Variants in MAPK10 observed in about 807,000 individuals in gnomAD.
MAPK10 encodes mitogen-activated protein kinase 10, also known as JNK3 alpha protein kinase.
A neutral mutation model predicts 59.3 loss-of-function variants in MAPK10; 25 were observed. The observed-to-expected ratio is 0.42, with a 90% confidence interval of 0.31 to 0.59. The LOEUF (loss-of-function observed/expected upper bound fraction) is 0.59, where lower values mean the gene tolerates loss of function less well. MAPK10 is among the 20% of genes least tolerant of loss of function. The pLI is 0.15. For synonymous variants in MAPK10, 190 were observed against 200.5 expected (o/e 0.95, Z 0.44); for missense variants, 351 against 568.9 (o/e 0.62, Z 3.90).
chr4:86,042,226 A>G (rs2041689552), intron 11 of MAPK10, among the ~76,000 whole-genome samples: 1 of 152,188 alleles, frequency 6.6e-6, no homozygotes, highest in East Asian at 1.9e-4. Flanking sequence ...CACAGGAACA[A>G]AAAACCAAAC....
At chr4:86,198,942 C>T (rs544155243) in intron 2 of MAPK10, among the ~76,000 whole-genome samples, 9 of 151,752 alleles carry the variant, frequency 5.9e-5, no homozygotes, top group East Asian at 5.8e-4. Context: ...AAGAAATATA[C>T]GAGCACTCAC....
chr4:86,295,634 T>C (rs1219136799), intron 2 of MAPK10, among the ~76,000 whole-genome samples: 1 of 151,574 alleles, frequency 6.6e-6, no homozygotes, highest in Non-Finnish European at 1.5e-5. Context: ...CTGTCTACTA[T>C]GATACAAAAG....
chr4:86,114,436 A>C (rs1056335345), intron 4 of MAPK10, among the ~76,000 whole-genome samples: 3 of 152,100 alleles, frequency 2.0e-5, no homozygotes, highest in African/African-American at 7.2e-5. Context: ...CCCAACTTCC[A>C]TAGGGCTGCT....
chr4:86,010,422 T>C lies in MAPK10; in HGVS notation c.*6806A>G, dbSNP rs893656550. 1 of 152,198 alleles carries C rather than the reference T, an allele frequency of 6.6e-6. No individual in the cohort carries two copies. Among genetic ancestry groups the C allele is most frequent in the Non-Finnish European group, 1.5e-5 (1 of 68,032 alleles). The allele number at this position is 152,198 out of a possible 1,614,324, so 9.4% of individuals were successfully genotyped here. ...TGCTTTAGTTTTTTTAAACAAAGAT[T>C]TATTAACTCTGAATTTTTTAGGTTA... On this transcript the variant is annotated 3_prime_UTR_variant, in exon 14 of 14. Transcript: ENST00000641462.
chr4:86,249,404 C>T (rs1025048992), intron 2 of MAPK10, among the ~76,000 whole-genome samples: 4 of 152,102 alleles, frequency 2.6e-5, no homozygotes, highest in African/African-American at 9.7e-5. Context: ...GCTGCTAAAA[C>T]AAGTAGGGGT....
At chr4:86,205,651 T>C (rs949668741) in intron 2 of MAPK10, among the ~76,000 whole-genome samples, 1 of 151,958 alleles carries the variant, frequency 6.6e-6, no homozygotes, top group Non-Finnish European at 1.5e-5. Flanking sequence ...TACAAGCATG[T>C]GGCAAATTGA....
chr4:86,022,420 T>G (rs1747670233), intron 13 of MAPK10, among the ~76,000 whole-genome samples: 1 of 152,220 alleles, frequency 6.6e-6, no homozygotes, highest in Admixed American at 6.5e-5. Flanking sequence ...CTCAGCTCCT[T>G]TGGCCATTTT....
At chr4:86,218,053 T>G (rs2088247457) in intron 2 of MAPK10, among the ~76,000 whole-genome samples, 1 of 152,138 alleles carries the variant, frequency 6.6e-6, no homozygotes, top group African/African-American at 2.4e-5. Context: ...AATGAATAAT[T>G]CTATAAATAT....
chr4:86,450,144 A>G (rs976456037), intron 1 of MAPK10, among the ~76,000 whole-genome samples: 1 of 152,246 alleles, frequency 6.6e-6, no homozygotes, highest in South Asian at 2.1e-4. Flanking sequence ...CTAATTTGTC[A>G]TAGCAGCAAT....
Position 86,029,239 on chromosome 4 carries a change from T to C in MAPK10, c.1210A>G (p.Lys404Glu). ...IYKEVMNSEE[K>E]TKNGVVKGQP... ...CCTTTTACTACACCATTTTTAGTCTTTTCTTCTGAATTCATTACTTCCTTG... is the reference window on the plus strand; with the variant it reads ...CCTTTTACTACACCATTTTTAGTCTCTTCTTCTGAATTCATTACTTCCTTG... The change falls in exon 13 of 14, where the codon AAG (lysine) becomes GAG (glutamate). Residue 404 changes from lysine (K) to glutamate (E), a missense_variant. This residue lies in a region of MAPK10 where 155 missense variants were observed against 204.2 expected (regional missense o/e 0.76). Coordinates refer to ENST00000641462, the MANE Select transcript of MAPK10 (RefSeq NM_138982.4). The C allele has an allele frequency of 2.5e-6, 4 of 1,611,736 alleles. No homozygotes were observed. The highest frequency in any genetic ancestry group is 3.4e-6 in the Non-Finnish European group (4 of 1,178,240).
rs184870302 is a variant in MAPK10 at position 86,203,960 on chromosome 4, G to A, written c.-6-9553C>T. 2.6e-5 allele frequency among the ~76,000 whole-genome samples: 4 copies of A among 151,930 alleles called. No homozygotes were observed. The East Asian group carries it at 7.8e-4, about 30-fold the overall frequency. ...GTGCTATCACTTAGAGCACGAGGCAGCAAGTTATGGTCCATCAGTCAAATT... is the reference window on the plus strand; with the variant it reads ...GTGCTATCACTTAGAGCACGAGGCAACAAGTTATGGTCCATCAGTCAAATT... On this transcript the variant is annotated intron_variant, in intron 2 of 13. Transcript: ENST00000641462.
chr4:86,517,616 T>C (rs1756789197), intron 1 of MAPK10, among the ~76,000 whole-genome samples: 1 of 152,084 alleles, frequency 6.6e-6, no homozygotes, highest in African/African-American at 2.4e-5. Flanking sequence ...TTAGCTAGTA[T>C]TTTGTTGAGG....
In MAPK10 at chr4:86,567,566, A is replaced by C. The variant is rs1258924090; in HGVS notation, c.-263+26344T>G. ...AGTGCATAATGTCAAAGTAGTACTTAATCTACACTATTTGGGTAATGGTAT... is the reference window on the plus strand; with the variant it reads ...AGTGCATAATGTCAAAGTAGTACTTCATCTACACTATTTGGGTAATGGTAT... On this transcript the variant is annotated intron_variant, in intron 1 of 4. Coordinates refer to the MAPK10 transcript ENST00000502302. Among the ~76,000 whole-genome samples, 2 of 151,848 alleles carry C rather than the reference A, an allele frequency of 1.3e-5. 1 individual carries two copies. The highest frequency in any genetic ancestry group is 1.3e-4 in the Admixed American group (2 of 15,266).
intron 11 of MAPK10, 55 bp from the exon 12 acceptor site, chr4:86,031,486 C>T (rs1483936430): frequency 2.1e-5 from 26 of 1,227,374 alleles, no homozygotes; most frequent in Non-Finnish European, 3.1e-5. Context: ...CATAACTAAA[C>T]TCTTACAATG....
At chr4:86,354,396 T>C in intron 2 of MAPK10, 134 bp downstream of exon 2, 1 of 408,710 alleles carries the variant, frequency 2.4e-6, no homozygotes, top group Non-Finnish European at 4.2e-6. Flanking sequence ...GTTCTATTGA[T>C]TTTCACTTCT....
intron 1 of MAPK10, among the ~76,000 whole-genome samples, chr4:86,580,806 C>T (rs1284627850): frequency 1.3e-5 from 2 of 152,156 alleles, no homozygotes; most frequent in Non-Finnish European, 2.9e-5. Context: ...TTGAATGGAG[C>T]TCAGAATGTG....
At chr4:86,136,721 T>C (rs1401064277) in intron 4 of MAPK10, among the ~76,000 whole-genome samples, 5 of 151,266 alleles carry the variant, frequency 3.3e-5, no homozygotes, top group Non-Finnish European at 5.9e-5. Flanking sequence ...GATGCTCCAA[T>C]TAAAAGACAC....
At chr4:86,264,355 C>T (rs1320884405) in intron 2 of MAPK10, among the ~76,000 whole-genome samples, 2 of 152,110 alleles carry the variant, frequency 1.3e-5, no homozygotes, top group Admixed American at 6.5e-5. Context: ...GTTAAAAAAA[C>T]CTTCCAAGGC....
intron 1 of MAPK10, among the ~76,000 whole-genome samples, chr4:86,494,148 GC>G (rs1187347030): frequency 8.5e-5 from 13 of 152,140 alleles, no homozygotes; most frequent in African/African-American, 2.7e-4. Context: ...TGGACATGTA[GC>G]CTATACCAGC....
Sources: allele counts gnomAD v4.1 joint callset (sites outside exome capture counted in the v4.1 genomes callset), GRCh38; gene constraint gnomAD v4.1.1; regional missense constraint gnomAD v4.1.1; transcripts MANE v1.5; gene names NCBI Gene and HGNC (gene_info 2026-07-23, HGNC 2026-07-21).